Variants in CDK7 observed in about 807,000 individuals in gnomAD.
CDK7 encodes the protein cyclin dependent kinase 7.
A neutral mutation model predicts 49.1 loss-of-function variants in CDK7; 25 were observed. The ratio of observed to expected loss-of-function variants is 0.51; its 90% confidence interval spans 0.37 to 0.71. CDK7 has a LOEUF of 0.71. Ranked by LOEUF, CDK7 falls within the 30% of genes least tolerant of loss-of-function variation. CDK7 has a pLI of 0.00. For synonymous variants in CDK7, 107 were observed against 140.0 expected (o/e 0.76, Z 1.67); for missense variants, 316 against 411.7 (o/e 0.77, Z 2.01).
intron 10 of CDK7, 138 bp from the exon 11 acceptor site, chr5:69,276,405 G>A: frequency 1.4e-6 from 1 of 698,530 alleles, no homozygotes; most frequent in Non-Finnish European, 2.5e-6. Flanking sequence ...GCAAATACTT[G>A]ACATTAATTT....
At chr5:69,242,415 T>G (rs2972381) in intron 2 of CDK7, among the ~76,000 whole-genome samples, 2 of 151,904 alleles carry the variant, frequency 1.3e-5, no homozygotes, top group Non-Finnish European at 2.9e-5. Context: ...TTTCTTCATA[T>G]GGGCTCCTGG....
chr5:69,249,329 T>C (rs1749982889), intron 2 of CDK7, among the ~76,000 whole-genome samples: 1 of 149,618 alleles, frequency 6.7e-6, no homozygotes. Flanking sequence ...TCACTTGAGC[T>C]CAGGAGTTTG....
At position 69,259,716 on chromosome 5, in the gene CDK7, T is replaced by TA. The variant is rs1352405724; in HGVS notation, c.409-101dup. 2.2e-5 allele frequency: 16 copies of TA among 715,314 alleles called. No individual in the cohort carries two copies. In the African/African-American group the frequency reaches 2.7e-4, roughly 12 times the overall value. The allele number at this position is 715,314 out of a possible 1,614,324, so 44.3% of individuals were successfully genotyped here. A position where few individuals can be genotyped will look rare whatever the true frequency, so the allele number is the denominator to read the frequency against. On this transcript the variant is annotated intron_variant, in intron 6 of 11. Coordinates refer to ENST00000256443, the MANE Select transcript of CDK7 (RefSeq NM_001799.4). ...AATTGATTGTTTAGATTTCAGGTGT[T>TA]ACCTTGTTTTTGCTAAGTTTAAAGT...
At chr5:69,276,788 T>G (rs1444329298) in intron 11 of CDK7, 98 bp downstream of exon 11, 1 of 994,810 alleles carries the variant, frequency 1.0e-6, no homozygotes, top group Non-Finnish European at 1.5e-6. Context: ...AAATGTAGCT[T>G]GCTAGCTATT....
At chr5:69,246,657 T>C (rs1749774493) in intron 2 of CDK7, among the ~76,000 whole-genome samples, 2 of 152,128 alleles carry the variant, frequency 1.3e-5, no homozygotes, top group East Asian at 3.8e-4. Flanking sequence ...TTGCTCCTGC[T>C]TTTCTAGTTC....
chr5:69,235,153 G>A lies in CDK7; in HGVS notation c.66+112G>A, dbSNP rs369185539. The stretch of plus-strand genomic sequence containing the variant: ...AGGTCTGGCTTGGCTGCTCGTTCTC[G>A]TTGGGGGAAACCGTCCAGACGCACT... On this transcript the variant is annotated intron_variant, in intron 1 of 11. Coordinates refer to ENST00000256443, the MANE Select transcript of CDK7 (RefSeq NM_001799.4). 4.7e-6 allele frequency: 5 copies of A among 1,070,072 alleles called. No homozygotes were observed. The East Asian group carries it at 1.0e-4, about 22-fold the overall frequency. The allele number at this position is 1,070,072 out of a possible 1,614,324, so 66.3% of individuals were successfully genotyped here.
At chr5:69,252,750 C>T (rs1750233201) in intron 3 of CDK7, among the ~76,000 whole-genome samples, 1 of 152,026 alleles carries the variant, frequency 6.6e-6, no homozygotes, top group Non-Finnish European at 1.5e-5. Flanking sequence ...CTCAAGCTAT[C>T]CTCCCACCTC....
intron 10 of CDK7, among the ~76,000 whole-genome samples, chr5:69,274,829 TG>T (rs1751947942): frequency 6.6e-6 from 1 of 152,174 alleles, no homozygotes; most frequent in African/African-American, 2.4e-5. Flanking sequence ...TTATCGAGGC[TG>T]ATCTCGAACT....
chr5:69,249,146 C>T (rs1749966898), intron 2 of CDK7, among the ~76,000 whole-genome samples: 2 of 151,720 alleles, frequency 1.3e-5, no homozygotes, highest in Non-Finnish European at 2.9e-5. Flanking sequence ...CTTGTAGGCA[C>T]GTCTCATTTC....
At chr5:69,241,505 T>C (rs1269866826) in intron 2 of CDK7, among the ~76,000 whole-genome samples, 2 of 151,918 alleles carry the variant, frequency 1.3e-5, no homozygotes, top group Non-Finnish European at 2.9e-5. Flanking sequence ...TTTGTATTTT[T>C]AGTAGAGACG....
At chr5:69,272,869 G>T in intron 9 of CDK7, 23 bp from the exon 10 acceptor site, 1 of 1,513,418 alleles carries the variant, frequency 6.6e-7, no homozygotes, top group Non-Finnish European at 9.0e-7. Flanking sequence ...CCTTAAGTTT[G>T]AATTACAAAA....
chr5:69,260,700 G>GA (rs1750757883), intron 7 of CDK7, among the ~76,000 whole-genome samples: 1 of 152,204 alleles, frequency 6.6e-6, no homozygotes, highest in East Asian at 1.9e-4. Flanking sequence ...TTTTTGATGT[G>GA]AAAAAACAGA....
chr5:69,271,429 C>G (rs1751524479), intron 9 of CDK7, among the ~76,000 whole-genome samples: 1 of 151,782 alleles, frequency 6.6e-6, no homozygotes, highest in Admixed American at 6.6e-5. Context: ...AGGTTTGTCA[C>G]TTTTTCTTTA....
At chr5:69,256,884 C>T (rs1423114807) in intron 5 of CDK7, among the ~76,000 whole-genome samples, 5 of 151,626 alleles carry the variant, frequency 3.3e-5, no homozygotes, top group Non-Finnish European at 7.4e-5. Flanking sequence ...GAAACAAAAA[C>T]GTATGCCAGA....
chr5:69,260,631 A>G (rs1023713585), intron 7 of CDK7, among the ~76,000 whole-genome samples: 2 of 152,146 alleles, frequency 1.3e-5, no homozygotes, highest in African/African-American at 2.4e-5. Context: ...AATTCTCTAA[A>G]CAGAGCAATG....
intron 2 of CDK7, among the ~76,000 whole-genome samples, chr5:69,248,073 G>A (rs941807985): frequency 6.6e-6 from 1 of 152,098 alleles, no homozygotes; most frequent in African/African-American, 2.4e-5. Context: ...GCTCATTAAC[G>A]TCTTTTCTTT....
intron 8 of CDK7, among the ~76,000 whole-genome samples, chr5:69,266,089 T>A (rs550712024): frequency 6.6e-6 from 1 of 151,968 alleles, no homozygotes; most frequent in Non-Finnish European, 1.5e-5. Context: ...TCACCTTTAA[T>A]TGGGCTCTGC....
At chr5:69,244,541 A>T (rs2972377) in intron 2 of CDK7, among the ~76,000 whole-genome samples, 16 of 150,438 alleles carry the variant, frequency 1.1e-4, no homozygotes, top group African/African-American at 3.4e-4. Flanking sequence ...GAGGCTGAGG[A>T]GGGAGAATTG....
rs1194074239 is a variant in CDK7 at position 69,267,694 on chromosome 5, CCTA to C, written c.628-1510_628-1508del. On this transcript the variant is annotated intron_variant, in intron 8 of 11. Transcript: ENST00000256443. ...AAAATCAAGTCTGTATTCAGATTTT[CCTA>C]CTTTTTCTCATAAATGTCTTTTTAC... 2.0e-5 allele frequency among the ~76,000 whole-genome samples: 3 copies of C among 152,154 alleles called. No individual in the cohort carries two copies. The East Asian group carries it at 5.8e-4, about 29-fold the overall frequency.
Sources: gnomAD v4.1 joint callset for allele counts (sites outside exome capture counted in the v4.1 genomes callset) on GRCh38, gnomAD v4.1.1 for gene constraint, MANE v1.5 for transcripts, NCBI Gene and HGNC (gene_info 2026-07-23, HGNC 2026-07-21) for gene names.